Variants in RIF1 observed in about 807,000 individuals in gnomAD.
RIF1 encodes the protein telomere-associated protein RIF1.
RIF1 carries 45 observed loss-of-function variants against 247.1 expected under a neutral mutation model. That is an observed-to-expected ratio of 0.18 (90% CI 0.14 to 0.23). The LOEUF is 0.23. Among genes scored for constraint, RIF1 ranks in the 10% least tolerant of loss-of-function variants. The pLI is 1.00. For missense variants in RIF1, 2,967 were observed against 2,862.5 expected (o/e 1.04, Z -0.83); for synonymous variants, 1,087 against 978.8 (o/e 1.11, Z -2.06).
downstream of RIF1, among the ~76,000 whole-genome samples, chr2:151,512,248 A>T (rs2075064778): frequency 1.3e-5 from 2 of 151,744 alleles, no homozygotes; most frequent in Admixed American, 1.3e-4. Context: ...GTTAGCCAGG[A>T]TGGTCTGGAT....
intron 1 of RIF1, 108 bp downstream of exon 1, chr2:151,410,141 T>G (rs958664904): frequency 3.0e-6 from 2 of 665,028 alleles, no homozygotes; most frequent in African/African-American, 3.6e-5. Flanking sequence ...TCTCCCGCCC[T>G]CCGCCGATCT....
At chr2:151,527,648 A>G in the RIF1 span, 7 of 1,201,960 alleles carry the variant, frequency 5.8e-6, no homozygotes, top group East Asian at 9.9e-5. Flanking sequence ...AAACACACAC[A>G]TGGCACAGAG....
At chr2:151,444,419 C>G (rs1692885961) in intron 18 of RIF1, among the ~76,000 whole-genome samples, 3 of 152,208 alleles carry the variant, frequency 2.0e-5, no homozygotes, top group Admixed American at 1.3e-4. Context: ...AAGCGATTCT[C>G]CTGTTTCAGC....
chr2:151,515,399 T>G, the RIF1 span, among the ~76,000 whole-genome samples: 5 of 152,200 alleles, frequency 3.3e-5, no homozygotes, highest in African/African-American at 1.2e-4. Flanking sequence ...GTTTTTTTAA[T>G]ATGGGGTCTT....
chr2:151,486,648 A>G (rs1015375777), downstream of RIF1: 2 of 152,234 alleles, frequency 1.3e-5, no homozygotes, highest in African/African-American at 4.8e-5. Context: ...GTATATCCAT[A>G]CAGATCTATT....
chr2:151,454,517 A>C (rs965598702), intron 21 of RIF1, among the ~76,000 whole-genome samples: 1 of 152,170 alleles, frequency 6.6e-6, no homozygotes, highest in Non-Finnish European at 1.5e-5. Flanking sequence ...CTAACTTTCA[A>C]AATTTAAATT....
At chr2:151,452,738 A>G (rs1444150631) in intron 21 of RIF1, among the ~76,000 whole-genome samples, 3 of 152,390 alleles carry the variant, frequency 2.0e-5, no homozygotes, top group Admixed American at 6.5e-5. Flanking sequence ...TACCAAGATT[A>G]TATAACAGAT....
intron 20 of RIF1, among the ~76,000 whole-genome samples, chr2:151,447,007 G>A (rs1319427121): frequency 6.7e-6 from 1 of 148,188 alleles, no homozygotes; most frequent in Admixed American, 6.8e-5. Context: ...GCAGTGGCGC[G>A]ATCTCGGCTC....
chr2:151,445,498 A>C, intron 19 of RIF1, 53 bp downstream of exon 19: 1 of 926,904 alleles, frequency 1.1e-6, no homozygotes, highest in East Asian at 2.4e-5. Flanking sequence ...TTCTGAAAAT[A>C]TTATTTCATC....
At position 151,445,471 on chromosome 2, in the gene RIF1, C is replaced by T. The variant is rs1291114329; in HGVS notation, c.2094+26C>T. 4.6e-6 allele frequency: 5 copies of T among 1,088,170 alleles called. 1 individual carries two copies. The highest frequency in any genetic ancestry group is 4.3e-6 in the Non-Finnish European group (3 of 700,392). 67.4% of individuals were successfully genotyped at this position (1,088,170 alleles called of 1,614,324 possible). A position where few individuals can be genotyped will look rare whatever the true frequency, so the allele number is the denominator to read the frequency against. ...GTAAGGCATTGTCAAGTATTGATTT[C>T]CGAGGGATTTGTATTTTTCTGAAAA... On this transcript the variant is annotated intron_variant, in intron 19 of 35. Transcript: ENST00000444746.
At chr2:151,501,562 A>G in intron 11 of RIF1, 1 of 717,732 alleles carries the variant, frequency 1.4e-6, no homozygotes, top group East Asian at 3.0e-5. Flanking sequence ...AAACAGCCTA[A>G]AAGAAGTATT....
At position 151,436,848 on chromosome 2, in the gene RIF1, C is replaced by A; in HGVS notation, c.1217C>A (p.Ala406Asp). Residue 406 changes from alanine (A) to aspartate (D), a missense_variant, in exon 12 of 36, where the codon GCC (alanine) becomes GAC (aspartate). Physicochemically the swap from Ala to Asp is moderately radical, Grantham distance 126. Around this residue, in one of 7 missense-constraint regions of RIF1, gnomAD observed 369 missense variants for 322.0 expected, o/e 1.15. Transcript: ENST00000444746. Reference sequence around the variant, plus strand: ...AAAGGTGCTTCCTCCCCGTACGGAGCCCCGGGAACTCCCCGAATGAACCTG... The same window carrying A: ...AAAGGTGCTTCCTCCCCGTACGGAGACCCGGGAACTCCCCGAATGAACCTG... ...VHKGASSPYG[A>D]PGTPRMNLSS... 1 of 1,605,894 alleles carries A rather than the reference C, an allele frequency of 6.2e-7. No individual in the cohort carries two copies. The highest frequency in any genetic ancestry group is 2.2e-5 in the East Asian group (1 of 44,620).
rs1257156894 is a variant in RIF1 at position 151,451,754 on chromosome 2, T to C, written c.2344+49T>C. 8.2e-6 allele frequency: 8 copies of C among 980,126 alleles called. 1 individual carries two copies. The Admixed American group carries it at 1.4e-4, about 18-fold the overall frequency. The allele number at this position is 980,126 out of a possible 1,614,324, so 60.7% of individuals were successfully genotyped here. A position where few individuals can be genotyped will look rare whatever the true frequency, so the allele number is the denominator to read the frequency against. On this transcript the variant is annotated intron_variant, in intron 21 of 35. Transcript: ENST00000444746. ...TGTTTGTCCAGTATTTCATAAGCAG[T>C]ACTGAACTTTGCCAGGGGAAGTCCT...
chr2:151,491,812 G>A (rs768474582), intron 9 of RIF1: 1 of 1,487,210 alleles, frequency 6.7e-7, no homozygotes, highest in Non-Finnish European at 9.2e-7. Context: ...AAGTGTTCTT[G>A]GAGTTTTCCA....
chr2:151,502,416 CATAA>C (rs2065385138), intron 11 of RIF1, among the ~76,000 whole-genome samples: 3 of 150,338 alleles, frequency 2.0e-5, no homozygotes, highest in African/African-American at 7.3e-5. Flanking sequence ...AAGCTGCAAA[CATAA>C]AGAATACATT....
At chr2:151,531,191 A>G in the RIF1 span, 1 of 836,630 alleles carries the variant, frequency 1.2e-6, no homozygotes, top group Admixed American at 2.1e-5. Context: ...CTGAGTGAAT[A>G]TAAAGGAAAG....
At chr2:151,459,035 G>T (rs2444260) in intron 25 of RIF1, 125 bp downstream of exon 25, 372,796 of 562,136 alleles carry the variant, frequency 0.66, 124,681 homozygotes, top group East Asian at 0.8. Flanking sequence ...CATTGTCAGT[G>T]GTGTGGCCTG....
chr2:151,417,881 G>T (rs1687482405), intron 6 of RIF1, among the ~76,000 whole-genome samples: 1 of 152,140 alleles, frequency 6.6e-6, no homozygotes, highest in Non-Finnish European at 1.5e-5. Context: ...ACAACCTGTT[G>T]CTCCTAGGCT....
intron 11 of RIF1, among the ~76,000 whole-genome samples, chr2:151,501,838 A>C (rs2064853050): frequency 6.6e-6 from 1 of 152,180 alleles, no homozygotes; most frequent in Non-Finnish European, 1.5e-5. Context: ...GAAAGAGGAG[A>C]GAGAGAGACA....
Sources: allele counts gnomAD v4.1 joint callset (sites outside exome capture counted in the v4.1 genomes callset), GRCh38; gene constraint gnomAD v4.1.1; regional missense constraint gnomAD v4.1.1; transcripts MANE v1.5; gene names NCBI Gene and HGNC (gene_info 2026-07-23, HGNC 2026-07-21).